CERT1: variants seen among roughly 807,000 people sequenced by gnomAD.
CERT1 encodes the protein ceramide transfer protein.
Under a neutral mutation model 87.9 loss-of-function variants are expected in CERT1, and 31 were observed. The ratio of observed to expected loss-of-function variants is 0.35; its 90% CI spans 0.27 to 0.48. The LOEUF is 0.48. Ranked by LOEUF, CERT1 falls within the 20% of genes least tolerant of loss-of-function variation. The pLI, the probability that CERT1 is intolerant of heterozygous loss-of-function variation, is 0.99. For synonymous variants in CERT1, 289 were observed against 250.9 expected (o/e 1.15, Z -1.44); for missense variants, 487 against 758.0 (o/e 0.64, Z 4.20).
chr5:75,481,375 A>C (rs190682295), intron 2 of CERT1, among the ~76,000 whole-genome samples: 45 of 152,308 alleles, frequency 3.0e-4, no homozygotes, highest in East Asian at 2.9e-3. Context: ...AAATGATATA[A>C]ATTTGAATAG....
intron 5 of CERT1, among the ~76,000 whole-genome samples, chr5:75,421,089 G>A (rs1259921300): frequency 6.6e-6 from 1 of 152,192 alleles, no homozygotes; most frequent in Non-Finnish European, 1.5e-5. Context: ...GATTACAGGT[G>A]TAAGCCACTG....
intron 2 of CERT1, among the ~76,000 whole-genome samples, chr5:75,498,815 G>A (rs1284352125): frequency 2.0e-5 from 3 of 152,236 alleles, no homozygotes; most frequent in Non-Finnish European, 4.4e-5. Flanking sequence ...TAGTAGAGCT[G>A]TGAGAAGAGG....
chr5:75,389,557 C>A lies in CERT1; in HGVS notation c.1284+35G>T, dbSNP rs770180136. Reference sequence around the variant, plus strand: ...TGATAATATGACTGAAACAGAGACGCCTTTGGCAATCTATAACATTTCAGG... The same window carrying A: ...TGATAATATGACTGAAACAGAGACGACTTTGGCAATCTATAACATTTCAGG... On this transcript the variant is annotated intron_variant, in intron 12 of 16. Coordinates refer to ENST00000643780, the MANE Select transcript of CERT1 (RefSeq NM_001379029.1). 2.6e-6 allele frequency: 4 copies of A among 1,512,362 alleles called. No individual in the cohort carries two copies. The South Asian group carries it at 4.5e-5, about 17-fold the overall frequency. 93.7% of individuals were successfully genotyped at this position (1,512,362 alleles called of 1,614,324 possible).
intron 3 of CERT1, among the ~76,000 whole-genome samples, chr5:75,434,357 A>C (rs892690686): frequency 6.6e-6 from 1 of 151,986 alleles, no homozygotes; most frequent in Non-Finnish European, 1.5e-5. Context: ...AGCCTACTTG[A>C]TTGTGGTGGT....
chr5:75,399,397 A>G lies in CERT1; in HGVS notation c.1111-10T>C. On this transcript the variant is annotated splice_polypyrimidine_tract_variant and intron_variant, in intron 10 of 16. Transcript: ENST00000643780. ...AAGAGCGACTATAGGGCTACCAGAG[A>G]CAGACAAAGAAAAAACCAAGTAATC... 1 of 1,607,696 alleles carries G rather than the reference A, an allele frequency of 6.2e-7. No homozygotes were observed. The highest frequency in any genetic ancestry group is 8.5e-7 in the Non-Finnish European group (1 of 1,174,316).
At chr5:75,431,022 CACAG>C (rs1458239513) in intron 3 of CERT1, among the ~76,000 whole-genome samples, 1 of 152,182 alleles carries the variant, frequency 6.6e-6, no homozygotes, top group Admixed American at 6.5e-5. Context: ...GTCTGGGTGA[CACAG>C]ACAGACTATC....
At chr5:75,430,498 A>T (rs1763818763) in intron 3 of CERT1, among the ~76,000 whole-genome samples, 1 of 152,222 alleles carries the variant, frequency 6.6e-6, no homozygotes, top group Admixed American at 6.5e-5. Context: ...AAACTAATCT[A>T]TGACAAACAA....
At chr5:75,377,230 T>TA (rs1761356111), downstream of CERT1, 1 of 152,220 alleles carries the variant, frequency 6.6e-6, no homozygotes, top group Non-Finnish European at 1.5e-5. Flanking sequence ...GGGAAAGTTA[T>TA]AAAGTTTTGT....
In CERT1 at chr5:75,456,563, A is replaced by T. The variant is rs149337832; in HGVS notation, c.348+2502T>A. Reference sequence around the variant, plus strand: ...GTGGTGCATGCCTGTAGTCCCAGCTACTTGGGAGGCTAAGGTGAGAGGATC... The same window carrying T: ...GTGGTGCATGCCTGTAGTCCCAGCTTCTTGGGAGGCTAAGGTGAGAGGATC... On this transcript the variant is annotated intron_variant, in intron 3 of 16. Transcript: ENST00000643780. Among the ~76,000 whole-genome samples, 161 of 150,642 alleles carry T rather than the reference A, an allele frequency of 1.1e-3. 2 individuals are homozygous for T. The highest frequency in any genetic ancestry group is 3.8e-3 in the African/African-American group (154 of 41,010).
chr5:75,377,480 TG>T (rs1761368812), downstream of CERT1: 1 of 152,224 alleles, frequency 6.6e-6, no homozygotes, highest in Admixed American at 6.5e-5. Flanking sequence ...TATTCGCCAA[TG>T]CAGAACTGAT....
intron 4 of CERT1, among the ~76,000 whole-genome samples, chr5:75,425,841 G>A (rs1317889878): frequency 3.3e-5 from 5 of 152,224 alleles, no homozygotes; most frequent in African/African-American, 1.2e-4. Flanking sequence ...GAACAACTGT[G>A]AAAGACTTTG....
intron 5 of CERT1, among the ~76,000 whole-genome samples, chr5:75,422,697 T>C (rs1048345814): frequency 2.6e-5 from 4 of 152,186 alleles, no homozygotes; most frequent in African/African-American, 7.2e-5. Context: ...ATGGGCTGAA[T>C]TGTGTCTCAG....
intron 12 of CERT1, among the ~76,000 whole-genome samples, chr5:75,387,739 T>C (rs1761857306): frequency 6.7e-6 from 1 of 149,146 alleles, no homozygotes; most frequent in Admixed American, 6.7e-5. Context: ...CAAAACTCTG[T>C]CTCAAAAAAA....
chr5:75,461,062 G>A (rs1765204592), intron 2 of CERT1, among the ~76,000 whole-genome samples: 1 of 152,122 alleles, frequency 6.6e-6, no homozygotes, highest in Non-Finnish European at 1.5e-5. Context: ...TAAATATCCA[G>A]GCATGTTAAG....
At position 75,476,158 on chromosome 5, in the gene CERT1, C is replaced by T. The variant is rs149378915; in HGVS notation, c.232-16977G>A. Among the ~76,000 whole-genome samples, 164 of 152,040 alleles carry T rather than the reference C, an allele frequency of 1.1e-3. 1 individual carries two copies. In the East Asian group the frequency reaches 0.027, roughly 25 times the overall value. On this transcript the variant is annotated intron_variant, in intron 2 of 16. Coordinates refer to ENST00000643780, the MANE Select transcript of CERT1 (RefSeq NM_001379029.1). ...ACATAAAAACACAAACAAAGGTGGACAAAAGAAACAAGCTTTAGATAATCT... is the reference window on the plus strand; with the variant it reads ...ACATAAAAACACAAACAAAGGTGGATAAAAGAAACAAGCTTTAGATAATCT...
At chr5:75,374,522 T>C, downstream of CERT1, 7 of 719,510 alleles carry the variant, frequency 9.7e-6, no homozygotes, top group South Asian at 8.1e-5. Context: ...ACGTGCAGCC[T>C]GTTTGCTGCA....
intron 2 of CERT1, chr5:75,505,318 A>C (rs1767603420): frequency 2.0e-5 from 3 of 153,060 alleles, no homozygotes; most frequent in Admixed American, 6.5e-5. Flanking sequence ...AAAAACAAAA[A>C]AAGAACAACA....
chr5:75,382,647 C>T (rs955061767), intron 14 of CERT1, among the ~76,000 whole-genome samples: 3 of 151,496 alleles, frequency 2.0e-5, no homozygotes, highest in Admixed American at 6.6e-5. Flanking sequence ...ATGGGACTAC[C>T]TACTTTAAAT....
chr5:75,418,252 T>A (rs1236009610), intron 6 of CERT1, among the ~76,000 whole-genome samples: 4 of 151,994 alleles, frequency 2.6e-5, no homozygotes, highest in Non-Finnish European at 5.9e-5. Context: ...AATAAAAACA[T>A]GAAAAGGTGC....
Sources: allele counts gnomAD v4.1 joint callset (sites outside exome capture counted in the v4.1 genomes callset), GRCh38; gene constraint gnomAD v4.1.1; transcripts MANE v1.5; gene names NCBI Gene and HGNC (gene_info 2026-07-23, HGNC 2026-07-21).